Variants in MPP1 observed in about 807,000 individuals in gnomAD.
MPP1 encodes the protein MAGUK p55 scaffold protein 1, also known as 55 kDa erythrocyte membrane protein.
MPP1 carries 6 observed loss-of-function variants against 38.2 expected under a neutral mutation model. The observed-to-expected ratio is 0.16, with a 90% confidence interval of 0.09 to 0.31. The LOEUF (loss-of-function observed/expected upper bound fraction) is 0.31. MPP1 is among the 10% of genes least tolerant of loss of function. MPP1 has a pLI of 1.00. For missense variants in MPP1, 293 were observed against 368.9 expected, an observed-to-expected ratio of 0.79 and a Z score of 1.69; for synonymous variants, 153 against 146.3, an observed-to-expected ratio of 1.05 and a Z score of -0.33.
intron 1 of MPP1, among the ~76,000 whole-genome samples, chrX:154,803,658 G>A (rs1037076809): frequency 3.6e-5 from 4 of 112,469 alleles, no homozygotes; most frequent in Non-Finnish European, 5.6e-5. Context: ...CATGTTCCAG[G>A]TGGAGGAAGG....
intron 1 of MPP1, among the ~76,000 whole-genome samples, chrX:154,796,386 C>T (rs1339057893): frequency 9.0e-6 from 1 of 111,553 alleles, no homozygotes; most frequent in Non-Finnish European, 1.9e-5. Context: ...CTGCCTCGGC[C>T]TCCCAAATCT....
intron 4 of MPP1, among the ~76,000 whole-genome samples, chrX:154,790,267 G>A (rs1174791969): frequency 3.6e-5 from 4 of 111,449 alleles, no homozygotes; most frequent in Non-Finnish European, 5.7e-5. Context: ...GGTGGCTCAC[G>A]CCTGTTGTAA....
intron 1 of MPP1, among the ~76,000 whole-genome samples, chrX:154,800,969 A>C (rs1314796859): frequency 8.9e-6 from 1 of 112,327 alleles, no homozygotes; most frequent in Admixed American, 9.3e-5. Flanking sequence ...GAAAAGCAAG[A>C]CTATGTTACG....
intron 6 of MPP1, among the ~76,000 whole-genome samples, chrX:154,785,770 C>T (rs1055848574): frequency 2.1e-4 from 23 of 111,809 alleles, no homozygotes; most frequent in African/African-American, 3.3e-4. Flanking sequence ...CAATCTGACT[C>T]GGGGACAGGA....
chrX:154,787,218 C>T (rs1312669031), intron 5 of MPP1, among the ~76,000 whole-genome samples: 3 of 109,889 alleles, frequency 2.7e-5, no homozygotes, highest in Non-Finnish European at 5.7e-5. Context: ...CATACGAAAA[C>T]AGATTATAGA....
chrX:154,781,605 G>A lies in MPP1; in HGVS notation c.1144C>T (p.Pro382Ser), dbSNP rs1385051125. The A allele has an allele frequency of 3.3e-6, 4 of 1,208,115 alleles. No homozygotes were observed. The highest frequency in any genetic ancestry group is 4.5e-6 in the Non-Finnish European group (4 of 894,606). Residue 382 changes from proline (P) to serine (S), a missense_variant, in exon 10 of 12, where the codon CCC becomes TCC. By Grantham distance (74) the Pro-to-Ser change is moderately conservative. Coordinates refer to ENST00000369534, the MANE Select transcript of MPP1 (RefSeq NM_002436.4). ...QNKIAILDIEPQTLKIVRTAE... is the reference protein window; with the variant it reads ...QNKIAILDIESQTLKIVRTAE... ...GCCCTTCCATGCCTACCCACCTGGG[G>A]CTCAATGTCAAGGATGGCAATCTTG...
intron 6 of MPP1, among the ~76,000 whole-genome samples, chrX:154,785,369 T>A (rs1425000660): frequency 9.0e-6 from 1 of 110,559 alleles, no homozygotes; most frequent in African/African-American, 3.3e-5. Context: ...CTGTGTCATC[T>A]AGTACCTGTC....
At chrX:154,800,979 G>A (rs191015281) in intron 1 of MPP1, among the ~76,000 whole-genome samples, 7 of 112,472 alleles carry the variant, frequency 6.2e-5, no homozygotes, top group Non-Finnish European at 1.3e-4. Flanking sequence ...ACTATGTTAC[G>A]AAAGTTCCTC....
intron 11 of MPP1, among the ~76,000 whole-genome samples, chrX:154,780,877 C>T (rs1469350452): frequency 2.8e-5 from 3 of 107,296 alleles, no homozygotes; most frequent in African/African-American, 9.8e-5. Flanking sequence ...CACAGCCATA[C>T]TGCACCCCAG....
chrX:154,786,505 A>G lies in MPP1; in HGVS notation c.481-105T>C, dbSNP rs782222775. On this transcript the variant is annotated intron_variant, in intron 5 of 11. Coordinates refer to ENST00000369534, the MANE Select transcript of MPP1 (RefSeq NM_002436.4). ...ATGGGGTCAGGATGGAATGAACAACAGGGAGGTAAGAATGGTGGGGGAGCA... is the reference window on the plus strand; with the variant it reads ...ATGGGGTCAGGATGGAATGAACAACGGGGAGGTAAGAATGGTGGGGGAGCA... The G allele has an allele frequency of 1.9e-3, 1,371 of 733,971 alleles. 4 individuals are homozygous for G. The highest frequency in any genetic ancestry group is 1.9e-3 in the Non-Finnish European group (931 of 495,437). 60.5% of individuals were successfully genotyped at this position (733,971 alleles called of 1,213,427 possible).
intron 6 of MPP1, among the ~76,000 whole-genome samples, chrX:154,785,654 G>T (rs782338725): frequency 7.1e-5 from 8 of 112,320 alleles, no homozygotes; most frequent in Non-Finnish European, 1.3e-4. Flanking sequence ...TTACACTGGG[G>T]TAAGTTTGCA....
chrX:154,801,777 A>C (rs1320867865), intron 1 of MPP1, among the ~76,000 whole-genome samples: 1 of 87,947 alleles, frequency 1.1e-5, no homozygotes, highest in East Asian at 3.4e-4. Context: ...AAAAAAAAAA[A>C]AAAAAAAAAC....
At chrX:154,789,879 T>C (rs1382121897) in intron 5 of MPP1, 75 bp downstream of exon 5, 2 of 753,931 alleles carry the variant, frequency 2.7e-6, no homozygotes, top group Admixed American at 5.5e-5. Flanking sequence ...TCCCTTATAA[T>C]CAAATTTCAA....
chrX:154,794,460 T>TGGA (rs202076695), intron 1 of MPP1, among the ~76,000 whole-genome samples: 4,521 of 111,021 alleles, frequency 0.041, 103 homozygotes, highest in South Asian at 0.091. Context: ...TATAGCCACC[T>TGGA]GGAGGAGGAG....
Position 154,778,961 on chromosome X carries a change from T to C in MPP1, c.*216A>G, listed in dbSNP as rs2071953574. The C allele has an allele frequency of 2.6e-6, 1 of 378,672 alleles. No homozygotes were observed. The highest frequency in any genetic ancestry group is 4.5e-6 in the Non-Finnish European group (1 of 221,853). The allele number at this position is 378,672 out of a possible 1,213,427, so 31.2% of individuals were successfully genotyped here. ...TACCCCCAATTTCTAGAAATCCTTT[T>C]CAAATCCAGATCAGTGGGGCCCCAT... On this transcript the variant is annotated 3_prime_UTR_variant, in exon 12 of 12. Transcript: ENST00000369534.
chrX:154,799,945 C>CG (rs1166984637), intron 1 of MPP1: 7 of 1,006,526 alleles, frequency 7.0e-6, no homozygotes, highest in South Asian at 2.3e-5. Flanking sequence ...CGGGCGGTGG[C>CG]GGGGGTGAAT....
intron 1 of MPP1, among the ~76,000 whole-genome samples, chrX:154,793,827 T>TA (rs2072168076): frequency 8.9e-6 from 1 of 112,017 alleles, no homozygotes; most frequent in African/African-American, 3.2e-5. Flanking sequence ...ATGTCCTTTA[T>TA]AGCTATATAT....
rs782446182 is a variant in MPP1, at chrX:154,785,277, A to G, written c.678-120T>C. The G allele has an allele frequency of 1.7e-3, 887 of 508,543 alleles. 4 individuals are homozygous for G. The South Asian group carries it at 0.019, about 11-fold the overall frequency. 41.9% of individuals were successfully genotyped at this position (508,543 alleles called of 1,213,427 possible). A position where few individuals can be genotyped will look rare whatever the true frequency, so the allele number is the denominator to read the frequency against. The stretch of plus-strand genomic sequence containing the variant: ...CTGAGTGTCCATTACAGTGGGAGAT[A>G]ATGTGTGCAAAGCACCCCATACACT... On this transcript the variant is annotated intron_variant, in intron 6 of 11. Transcript: ENST00000369534.
At chrX:154,800,661 T>C (rs1469822488) in intron 1 of MPP1, among the ~76,000 whole-genome samples, 1 of 112,506 alleles carries the variant, frequency 8.9e-6, no homozygotes, top group Non-Finnish European at 1.9e-5. Context: ...CTGTGGTCAA[T>C]ATTTGAAGAC....
Sources: allele counts gnomAD v4.1 joint callset (sites outside exome capture counted in the v4.1 genomes callset), GRCh38; gene constraint gnomAD v4.1.1; transcripts MANE v1.5; gene names NCBI Gene and HGNC (gene_info 2026-07-23, HGNC 2026-07-21).